Variants in PIEZO2 observed in about 807,000 individuals in gnomAD.
PIEZO2 encodes the protein piezo-type mechanosensitive ion channel component 2.
A neutral mutation model predicts 337.3 loss-of-function variants in PIEZO2; 172 were observed. The observed-to-expected ratio is 0.51, with a 90% CI of 0.45 to 0.58. PIEZO2 has a LOEUF of 0.58. PIEZO2 is among the 20% of genes least tolerant of loss of function. PIEZO2 has a pLI of 0.00. For missense variants in PIEZO2, 3,028 were observed against 3,391.3 expected (o/e 0.89, Z 2.66); for synonymous variants, 1,251 against 1,228.5 (o/e 1.02, Z -0.38).
At position 10,690,110 on chromosome 18, in the gene PIEZO2, C is replaced by T. The variant is rs2034739545; in HGVS notation, c.7350-308G>A. Among the ~76,000 whole-genome samples, 4 of 77,128 alleles carry T rather than the reference C, an allele frequency of 5.2e-5. No individual in the cohort carries two copies. The South Asian group carries it at 1.4e-3, about 27-fold the overall frequency. The allele number at this position is 77,128 out of a possible 152,430, so 50.6% of individuals were successfully genotyped here. ...CTTTCACATTTATTTGTTCATGTTA[C>T]GAGACCCTTGGCCATGCGGTGCTGA... On this transcript the variant is annotated intron_variant, in intron 48 of 55. Transcript: ENST00000674853.
At chr18:11,044,593 A>G (rs2037235709) in intron 2 of PIEZO2, among the ~76,000 whole-genome samples, 1 of 152,216 alleles carries the variant, frequency 6.6e-6, no homozygotes, top group Non-Finnish European at 1.5e-5. Context: ...AATGTGTTGC[A>G]AAAAGTATGA....
At chr18:10,706,110 C>T (rs539342014) in intron 40 of PIEZO2, among the ~76,000 whole-genome samples, 1 of 152,264 alleles carries the variant, frequency 6.6e-6, no homozygotes, top group East Asian at 1.9e-4. Context: ...CTGTCTGCTT[C>T]AAGGAGGGGC....
At position 10,763,837 on chromosome 18, in the gene PIEZO2, T is replaced by C. The variant is rs908099119; in HGVS notation, c.2947-739A>G. Among the ~76,000 whole-genome samples, 10 of 152,080 alleles carry C rather than the reference T, an allele frequency of 6.6e-5. 1 individual carries two copies. Among genetic ancestry groups the C allele is most frequent in the East Asian group, 3.9e-4 (2 of 5,192 alleles). On this transcript the variant is annotated intron_variant, in intron 21 of 55. Coordinates refer to ENST00000674853, the MANE Select transcript of PIEZO2 (RefSeq NM_001378183.1). The stretch of plus-strand genomic sequence containing the variant: ...TGCCGCGGCAATAGCCCAGGGAAGA[T>C]GGGGAGGAGGCGCGGATTCAACATG...
Position 10,782,436 on chromosome 18 carries a change from T to A in PIEZO2, c.2493-2070A>T, listed in dbSNP as rs1441603783. Among the ~76,000 whole-genome samples, 5 of 43,304 alleles carry A rather than the reference T, an allele frequency of 1.2e-4. No individual in the cohort carries two copies. In the East Asian group the frequency reaches 2.6e-3, roughly 22 times the overall value. 28.4% of individuals were successfully genotyped at this position (43,304 alleles called of 152,430 possible). On this transcript the variant is annotated intron_variant, in intron 17 of 55. Coordinates refer to ENST00000674853, the MANE Select transcript of PIEZO2 (RefSeq NM_001378183.1). ...TATTATAATTATATATAAATAATTA[T>A]ATAATATATTATATAGTATATATAT...
At chr18:10,956,517 T>C (rs955738470) in intron 3 of PIEZO2, among the ~76,000 whole-genome samples, 1 of 152,114 alleles carries the variant, frequency 6.6e-6, no homozygotes, top group Non-Finnish European at 1.5e-5. Context: ...TTCATAGAAA[T>C]TGAAAAAAAA....
At position 11,129,603 on chromosome 18, in the gene PIEZO2, T is replaced by C. The variant is rs151025122; in HGVS notation, c.64+18922A>G. Among the ~76,000 whole-genome samples the C allele has an allele frequency of 1.3e-5, 2 of 152,282 alleles. No individual in the cohort carries two copies. Among genetic ancestry groups the C allele is most frequent in the African/African-American group, 4.8e-5 (2 of 41,582 alleles). ...GTTTATGCACCCAGAACCCCTTGAATGAAGGGGAGGCTGAGTCCCCTTGAG... is the reference window on the plus strand; with the variant it reads ...GTTTATGCACCCAGAACCCCTTGAACGAAGGGGAGGCTGAGTCCCCTTGAG... On this transcript the variant is annotated intron_variant, in intron 1 of 55. Transcript: ENST00000674853. This position sits in a 1 kb window ranked among gnomAD's most constrained non-coding sequence, Gnocchi z 4.6.
In PIEZO2 at chr18:10,895,591, C is replaced by T. The variant is rs978575866; in HGVS notation, c.329+15595G>A. On this transcript the variant is annotated intron_variant, in intron 4 of 55. Transcript: ENST00000674853. This position sits in a 1 kb window ranked among gnomAD's most constrained non-coding sequence, Gnocchi z 4.8. ...GGGTACCTGTGCAGCAGTAGCAGTGCCGTGTGGGGTTGGTGATTGTGGGGT... is the reference window on the plus strand; with the variant it reads ...GGGTACCTGTGCAGCAGTAGCAGTGTCGTGTGGGGTTGGTGATTGTGGGGT... Among the ~76,000 whole-genome samples, 4 of 152,116 alleles carry T rather than the reference C, an allele frequency of 2.6e-5. No homozygotes were observed. The highest frequency in any genetic ancestry group is 4.8e-5 in the African/African-American group (2 of 41,430).
At chr18:11,023,264 A>G (rs2036382331) in intron 2 of PIEZO2, among the ~76,000 whole-genome samples, 1 of 152,100 alleles carries the variant, frequency 6.6e-6, no homozygotes, top group Non-Finnish European at 1.5e-5. Flanking sequence ...TCCATTTTAC[A>G]GAGAGCCGAG....
chr18:10,900,210 CAA>C lies in PIEZO2; in HGVS notation c.329+10974_329+10975del, dbSNP rs1214720993. 6.5e-5 allele frequency among the ~76,000 whole-genome samples: 9 copies of C among 139,396 alleles called. No homozygotes were observed. In the South Asian group the frequency reaches 1.4e-3, roughly 22 times the overall value. 91.4% of individuals were successfully genotyped at this position (139,396 alleles called of 152,430 possible). ...ACACACACACACACACACACACACA[CAA>C]ACACCTAAATCCACACATACACATG... On this transcript the variant is annotated intron_variant, in intron 4 of 55. Coordinates refer to ENST00000674853, the MANE Select transcript of PIEZO2 (RefSeq NM_001378183.1).
chr18:10,812,564 A>C (rs1389505659), intron 7 of PIEZO2, among the ~76,000 whole-genome samples: 1 of 152,212 alleles, frequency 6.6e-6, no homozygotes, highest in Admixed American at 6.5e-5. Flanking sequence ...GTGATGAAAG[A>C]GGACATCGCG....
intron 45 of PIEZO2, 91 bp from the exon 46 acceptor site, chr18:10,696,630 C>T: frequency 6.3e-6 from 9 of 1,425,426 alleles, no homozygotes; most frequent in South Asian, 1.3e-5. Context: ...TGCCACTCCT[C>T]TGCATTCCTC....
In PIEZO2 at chr18:10,837,524, C is replaced by T. The variant is rs2041053834; in HGVS notation, c.917+17829G>A. 6.6e-6 allele frequency among the ~76,000 whole-genome samples: 1 copy of T among 152,134 alleles called. No individual in the cohort carries two copies. Among genetic ancestry groups the T allele is most frequent in the South Asian group, 2.1e-4 (1 of 4,832 alleles). On this transcript the variant is annotated intron_variant, in intron 7 of 55. Coordinates refer to ENST00000674853, the MANE Select transcript of PIEZO2 (RefSeq NM_001378183.1). The surrounding 1 kb of genome is among the most constrained non-coding windows in gnomAD (Gnocchi z 4.4). Reference sequence around the variant, plus strand: ...TAGAATGTTGGGGCCAGCAAGAAAGCTTGAGAACCACTGGTAGATGGTATC... The same window carrying T: ...TAGAATGTTGGGGCCAGCAAGAAAGTTTGAGAACCACTGGTAGATGGTATC...
rs1184289399 is a variant in PIEZO2 at position 10,830,153 on chromosome 18, C to A, written c.918-22879G>T. Reference sequence around the variant, plus strand: ...CAGTAATTCATACATCTACAGTGAACTTGCTTTTGACAAAGGTGCTAAGAA... The same window carrying A: ...CAGTAATTCATACATCTACAGTGAAATTGCTTTTGACAAAGGTGCTAAGAA... On this transcript the variant is annotated intron_variant, in intron 7 of 55. Transcript: ENST00000674853. The surrounding 1 kb of genome is among the most constrained non-coding windows in gnomAD (Gnocchi z 4.7). Among the ~76,000 whole-genome samples, 1 of 152,106 alleles carries A rather than the reference C, an allele frequency of 6.6e-6. No homozygotes were observed. Among genetic ancestry groups the A allele is most frequent in the East Asian group, 1.9e-4 (1 of 5,168 alleles).
At position 11,131,737 on chromosome 18, in the gene PIEZO2, G is replaced by T. The variant is rs930261764; in HGVS notation, c.64+16788C>A. Among the ~76,000 whole-genome samples the T allele has an allele frequency of 6.6e-6, 1 of 152,232 alleles. No homozygotes were observed. Among genetic ancestry groups the T allele is most frequent in the Admixed American group, 6.5e-5 (1 of 15,290 alleles). Reference sequence around the variant, plus strand: ...TGGTGACAAAGAAACTTGGGGAAGAGGTTTGTGGATGGACCTGAGTGGTCA... The same window carrying T: ...TGGTGACAAAGAAACTTGGGGAAGATGTTTGTGGATGGACCTGAGTGGTCA... On this transcript the variant is annotated intron_variant, in intron 1 of 55. Transcript: ENST00000674853. The surrounding 1 kb of genome is among the most constrained non-coding windows in gnomAD (Gnocchi z 5.3).
chr18:10,958,426 G>C (rs264189), intron 3 of PIEZO2, among the ~76,000 whole-genome samples: 79,828 of 151,976 alleles, frequency 0.53, 21,452 homozygotes, highest in African/African-American at 0.62. Flanking sequence ...TCAAAGGGTA[G>C]AAAGTTTCAG....
At chr18:10,718,393 G>C (rs550345436) in intron 36 of PIEZO2, 134 bp from the exon 37 acceptor site, 1 of 733,994 alleles carries the variant, frequency 1.4e-6, no homozygotes, top group African/African-American at 1.8e-5. Context: ...CTTGGGGAAA[G>C]GTTGTTAGAA....
At position 10,962,172 on chromosome 18, in the gene PIEZO2, T is replaced by C. The variant is rs1393146112; in HGVS notation, c.286+17363A>G. ...CAAAACTGCCACTGAATTAGAATTA[T>C]TTCCAGATGCTCTGTTCAATGAAAG... On this transcript the variant is annotated intron_variant, in intron 3 of 55. Coordinates refer to ENST00000674853, the MANE Select transcript of PIEZO2 (RefSeq NM_001378183.1). This position sits in a 1 kb window ranked among gnomAD's most constrained non-coding sequence, Gnocchi z 4.1. 2.0e-5 allele frequency among the ~76,000 whole-genome samples: 3 copies of C among 152,240 alleles called. No individual in the cohort carries two copies. Among genetic ancestry groups the C allele is most frequent in the Non-Finnish European group, 4.4e-5 (3 of 68,034 alleles).
intron 1 of PIEZO2, among the ~76,000 whole-genome samples, chr18:11,108,501 C>T (rs2039638245): frequency 1.3e-5 from 2 of 151,572 alleles, no homozygotes; most frequent in Admixed American, 1.3e-4. Context: ...GTAGTCCCAG[C>T]TACTCAGGAG....
intron 36 of PIEZO2, among the ~76,000 whole-genome samples, chr18:10,722,915 G>A (rs1288876111): frequency 6.9e-6 from 1 of 145,982 alleles, no homozygotes; most frequent in African/African-American, 2.5e-5. Flanking sequence ...GTTCGAGTGT[G>A]TTTGGAAAAC....
Sources: gnomAD v4.1 joint callset for allele counts (sites outside exome capture counted in the v4.1 genomes callset) on GRCh38, gnomAD v4.1.1 for gene constraint, Gnocchi (gnomAD v3.1) non-coding constraint, MANE v1.5 for transcripts, NCBI Gene and HGNC (gene_info 2026-07-23, HGNC 2026-07-21) for gene names.